Variants in PAPPA observed in about 807,000 individuals in gnomAD.
The protein encoded by PAPPA is pappalysin-1.
Under a neutral mutation model 164.0 loss-of-function variants are expected in PAPPA, and 60 were observed. The observed-to-expected ratio is 0.37, with a 90% CI of 0.30 to 0.45. The LOEUF is 0.45. PAPPA is among the 20% of genes least tolerant of loss of function. PAPPA has a pLI of 1.00. For synonymous variants in PAPPA, 875 were observed against 814.1 expected, an observed-to-expected ratio of 1.07 and a Z score of -1.27; for missense variants, 1,782 against 2,087.3, an observed-to-expected ratio of 0.85 and a Z score of 2.85.
chr9:116,338,902 T>C lies in PAPPA; in HGVS notation c.3611+3828T>C, dbSNP rs1200006253. 2.0e-5 allele frequency among the ~76,000 whole-genome samples: 3 copies of C among 152,330 alleles called. No homozygotes were observed. In the East Asian group the frequency reaches 5.8e-4, roughly 29 times the overall value. On this transcript the variant is annotated intron_variant, in intron 13 of 21. Coordinates refer to ENST00000328252, the MANE Select transcript of PAPPA (RefSeq NM_002581.5). ...AAAGGGCTCTGAAATTATAGACCTCTGTTGTTTTGTTCTCATAAAATCATG... is the reference window on the plus strand; with the variant it reads ...AAAGGGCTCTGAAATTATAGACCTCCGTTGTTTTGTTCTCATAAAATCATG...
At chr9:116,163,799 G>T (rs1843694154) in intron 1 of PAPPA, among the ~76,000 whole-genome samples, 1 of 152,050 alleles carries the variant, frequency 6.6e-6, no homozygotes, top group Non-Finnish European at 1.5e-5. Context: ...CCATTGACTG[G>T]TAACAACTTG....
chr9:116,306,228 C>T (rs1208035751), intron 10 of PAPPA, among the ~76,000 whole-genome samples: 1 of 152,174 alleles, frequency 6.6e-6, no homozygotes, highest in South Asian at 2.1e-4. Context: ...AGTCACTGTA[C>T]AAGAGTTAGG....
chr9:116,389,348 G>T (rs779248644), intron 21 of PAPPA, among the ~76,000 whole-genome samples: 3 of 152,046 alleles, frequency 2.0e-5, no homozygotes, highest in Non-Finnish European at 4.4e-5. Flanking sequence ...GCTCAGGCTG[G>T]TCTTGAACTC....
chr9:116,184,336 A>T (rs1427880377), intron 1 of PAPPA, among the ~76,000 whole-genome samples: 1 of 152,142 alleles, frequency 6.6e-6, no homozygotes, highest in East Asian at 1.9e-4. Context: ...AGCTGACGGG[A>T]TCTATGATTT....
intron 1 of PAPPA, among the ~76,000 whole-genome samples, chr9:116,155,069 C>T (rs889753801): frequency 6.6e-6 from 1 of 152,212 alleles, no homozygotes; most frequent in Admixed American, 6.5e-5. Flanking sequence ...GTTGTAATGG[C>T]CAGGACTTAG....
intron 10 of PAPPA, among the ~76,000 whole-genome samples, chr9:116,329,008 C>T (rs1333017411): frequency 6.6e-6 from 1 of 152,162 alleles, no homozygotes; most frequent in Non-Finnish European, 1.5e-5. Flanking sequence ...GATTATAATG[C>T]AACCATGTGC....
At chr9:116,322,385 G>T (rs1366861627) in intron 10 of PAPPA, among the ~76,000 whole-genome samples, 1 of 148,780 alleles carries the variant, frequency 6.7e-6, no homozygotes, top group Non-Finnish European at 1.5e-5. Flanking sequence ...ATTCCAGCCT[G>T]GGGTACAATA....
At chr9:116,306,241 T>C (rs1845644749) in intron 10 of PAPPA, among the ~76,000 whole-genome samples, 1 of 152,048 alleles carries the variant, frequency 6.6e-6, no homozygotes, top group Admixed American at 6.5e-5. Context: ...GAGTTAGGAG[T>C]GAGAATTCTA....
chr9:116,303,019 C>A, intron 10 of PAPPA, 69 bp downstream of exon 10: 1 of 1,371,804 alleles, frequency 7.3e-7, no homozygotes, highest in East Asian at 2.3e-5. Flanking sequence ...CACAAGGCTA[C>A]TCACCTCTAA....
intron 1 of PAPPA, among the ~76,000 whole-genome samples, chr9:116,156,348 G>A (rs377075063): frequency 1.5e-4 from 17 of 117,062 alleles, no homozygotes; most frequent in South Asian, 2.6e-4. Context: ...ATATATATAT[G>A]TATATATATA....
intron 4 of PAPPA, among the ~76,000 whole-genome samples, chr9:116,219,046 C>T (rs1211060049): frequency 6.6e-6 from 1 of 152,232 alleles, no homozygotes; most frequent in East Asian, 1.9e-4. Context: ...GGCCTGTGCT[C>T]TCTGCCTAAG....
At chr9:116,383,244 G>A (rs1204939028) in intron 21 of PAPPA, among the ~76,000 whole-genome samples, 1 of 152,218 alleles carries the variant, frequency 6.6e-6, no homozygotes, top group African/African-American at 2.4e-5. Context: ...TTGGGAGGGA[G>A]GTGGTAACCC....
intron 1 of PAPPA, among the ~76,000 whole-genome samples, chr9:116,157,955 G>A (rs1396275214): frequency 2.0e-5 from 3 of 151,682 alleles, no homozygotes; most frequent in African/African-American, 4.8e-5. Flanking sequence ...TTGCTCCATC[G>A]AGCAGAGGCC....
At chr9:116,176,148 A>G (rs1460649167) in intron 1 of PAPPA, among the ~76,000 whole-genome samples, 1 of 152,214 alleles carries the variant, frequency 6.6e-6, no homozygotes, top group Admixed American at 6.5e-5. Context: ...AGAAAAGGAC[A>G]GGGACAATAG....
At chr9:116,193,674 C>T in intron 2 of PAPPA, among the ~76,000 whole-genome samples, 1 of 152,302 alleles carries the variant, frequency 6.6e-6, no homozygotes, top group African/African-American at 2.4e-5. Context: ...TGTTCTTACC[C>T]ATCATCCACA....
chr9:116,237,680 T>C (rs759079452), intron 7 of PAPPA, among the ~76,000 whole-genome samples: 1 of 152,072 alleles, frequency 6.6e-6, no homozygotes, highest in Admixed American at 6.5e-5. Context: ...GCCTCAACTT[T>C]GCATGCAGGA....
Position 116,398,804 on chromosome 9 carries a change from C to A in PAPPA, c.*2188C>A, listed in dbSNP as rs1356471034. ...TATCTCATTTATATCCAGACCATTACTTCACTATAATTACAAGGACAAATT... is the reference window on the plus strand; with the variant it reads ...TATCTCATTTATATCCAGACCATTAATTCACTATAATTACAAGGACAAATT... On this transcript the variant is annotated 3_prime_UTR_variant, in exon 22 of 22. Transcript: ENST00000328252. 2.5e-6 allele frequency: 1 copy of A among 401,178 alleles called. No homozygotes were observed. The highest frequency in any genetic ancestry group is 1.8e-5 in the South Asian group (1 of 55,044). The allele number at this position is 401,178 out of a possible 1,614,324, so 24.9% of individuals were successfully genotyped here. A position where few individuals can be genotyped will look rare whatever the true frequency, so the allele number is the denominator to read the frequency against.
intron 21 of PAPPA, among the ~76,000 whole-genome samples, chr9:116,394,273 C>G (rs1846932746): frequency 6.6e-6 from 1 of 152,166 alleles, no homozygotes; most frequent in South Asian, 2.1e-4. Context: ...GTATTTGGCA[C>G]TGAGCATCTC....
chr9:116,283,995 T>C (rs976371183), intron 9 of PAPPA, among the ~76,000 whole-genome samples: 1 of 152,232 alleles, frequency 6.6e-6, no homozygotes, highest in African/African-American at 2.4e-5. Context: ...ATTCCTGACT[T>C]CATATGATTG....
Sources: gnomAD v4.1 joint callset for allele counts (sites outside exome capture counted in the v4.1 genomes callset) on GRCh38, gnomAD v4.1.1 for gene constraint, MANE v1.5 for transcripts, NCBI Gene and HGNC (gene_info 2026-07-23, HGNC 2026-07-21) for gene names.